Variants in PPP3CA observed in about 807,000 individuals in gnomAD.
PPP3CA encodes CAM-PRP catalytic subunit.
A neutral mutation model predicts 66.5 loss-of-function variants in PPP3CA; 14 were observed. The ratio of observed to expected loss-of-function variants is 0.21; its 90% CI spans 0.14 to 0.33. The LOEUF (loss-of-function observed/expected upper bound fraction) is 0.33. Among genes scored for constraint, PPP3CA ranks in the 10% least tolerant of loss-of-function variants. The pLI is 1.00. For synonymous variants in PPP3CA, 232 were observed against 226.2 expected (o/e 1.03, Z -0.23); for missense variants, 317 against 639.5 (o/e 0.50, Z 5.44).
intron 1 of PPP3CA, among the ~76,000 whole-genome samples, chr4:101,293,722 T>C (rs919054984): frequency 6.6e-6 from 1 of 152,204 alleles, no homozygotes; most frequent in African/African-American, 2.4e-5. Context: ...ACCACAGCCA[T>C]GTAATTAGGT....
intron 2 of PPP3CA, among the ~76,000 whole-genome samples, chr4:101,149,281 C>T (rs932908682): frequency 4.6e-5 from 7 of 152,174 alleles, no homozygotes; most frequent in Non-Finnish European, 7.4e-5. Context: ...TTTGCCTTCA[C>T]ATGCTTTATC....
At chr4:101,073,228 CGT>C (rs74947807) in intron 8 of PPP3CA, among the ~76,000 whole-genome samples, 7,304 of 143,558 alleles carry the variant, frequency 0.051, 181 homozygotes, top group East Asian at 0.065. Context: ...TATATATATA[CGT>C]GTGTGTGTGT....
At chr4:101,196,191 T>A (rs1325360550) in intron 1 of PPP3CA, 75 bp from the exon 2 acceptor site, 1 of 1,320,268 alleles carries the variant, frequency 7.6e-7, no homozygotes, top group Non-Finnish European at 1.0e-6. Context: ...CCACCAAATA[T>A]CCATCCTCAT....
intron 1 of PPP3CA, among the ~76,000 whole-genome samples, chr4:101,321,009 A>G (rs1729025969): frequency 6.6e-6 from 1 of 152,216 alleles, no homozygotes; most frequent in African/African-American, 2.4e-5. Context: ...CAAGAAAAAC[A>G]TTGATGTTTG....
At chr4:101,153,697 A>C (rs1302139380) in intron 2 of PPP3CA, among the ~76,000 whole-genome samples, 1 of 152,204 alleles carries the variant, frequency 6.6e-6, no homozygotes, top group Non-Finnish European at 1.5e-5. Context: ...TTGCTTAGGA[A>C]AAAACAAACA....
intron 10 of PPP3CA, among the ~76,000 whole-genome samples, chr4:101,043,571 A>T (rs1446360695): frequency 6.6e-6 from 1 of 151,850 alleles, no homozygotes; most frequent in Non-Finnish European, 1.5e-5. Context: ...AAAAAAAAAA[A>T]ACTCTCCTTT....
intron 1 of PPP3CA, among the ~76,000 whole-genome samples, chr4:101,200,391 C>T (rs1724930138): frequency 6.6e-6 from 1 of 152,068 alleles, no homozygotes; most frequent in South Asian, 2.1e-4. Flanking sequence ...TTTTCTGTGC[C>T]TTTACTTATA....
At chr4:101,197,772 A>G (rs943370658) in intron 1 of PPP3CA, among the ~76,000 whole-genome samples, 1 of 152,166 alleles carries the variant, frequency 6.6e-6, no homozygotes, top group Non-Finnish European at 1.5e-5. Context: ...ACATTACTGT[A>G]CAGGAGAAAC....
chr4:101,042,803 CTTTT>C (rs534973228), intron 10 of PPP3CA, among the ~76,000 whole-genome samples: 1 of 117,686 alleles, frequency 8.5e-6, no homozygotes, highest in Non-Finnish European at 1.9e-5. Flanking sequence ...AAGACTTTTT[CTTTT>C]TTTTTTTTTT....
At chr4:101,065,046 G>A (rs1231526913) in intron 8 of PPP3CA, among the ~76,000 whole-genome samples, 2 of 151,802 alleles carry the variant, frequency 1.3e-5, no homozygotes, top group Non-Finnish European at 2.9e-5. Flanking sequence ...CTGATATGAA[G>A]GTAGTTATCC....
chr4:101,279,597 G>A (rs1727617115), intron 1 of PPP3CA, among the ~76,000 whole-genome samples: 1 of 152,170 alleles, frequency 6.6e-6, no homozygotes, highest in Admixed American at 6.5e-5. Flanking sequence ...AATAAGTACA[G>A]CCCTCCAAAA....
intron 1 of PPP3CA, among the ~76,000 whole-genome samples, chr4:101,331,991 G>A (rs1729402497): frequency 6.6e-6 from 1 of 152,162 alleles, no homozygotes; most frequent in African/African-American, 2.4e-5. Flanking sequence ...CAAAACATAT[G>A]TGTATGCAAG....
At chr4:101,339,833 A>G (rs1433090157) in intron 1 of PPP3CA, among the ~76,000 whole-genome samples, 1 of 152,204 alleles carries the variant, frequency 6.6e-6, no homozygotes, top group Non-Finnish European at 1.5e-5. Flanking sequence ...TGCAGCAACC[A>G]AGACACATAG....
At chr4:101,142,179 T>C (rs1259439906) in intron 2 of PPP3CA, among the ~76,000 whole-genome samples, 3 of 152,108 alleles carry the variant, frequency 2.0e-5, no homozygotes, top group African/African-American at 7.2e-5. Context: ...CTAGAAACGG[T>C]AGACTTTGCC....
chr4:101,131,667 C>A (rs1291509662), intron 2 of PPP3CA, among the ~76,000 whole-genome samples: 1 of 152,114 alleles, frequency 6.6e-6, no homozygotes, highest in Non-Finnish European at 1.5e-5. Flanking sequence ...GACTTTAACA[C>A]CCCACTGTCA....
At chr4:101,314,964 T>C (rs1728840431) in intron 1 of PPP3CA, among the ~76,000 whole-genome samples, 1 of 152,236 alleles carries the variant, frequency 6.6e-6, no homozygotes, top group Non-Finnish European at 1.5e-5. Flanking sequence ...CTTGGTTTTA[T>C]AATTTTTTCA....
chr4:101,236,785 G>A (rs1726145265), intron 1 of PPP3CA, among the ~76,000 whole-genome samples: 1 of 151,732 alleles, frequency 6.6e-6, no homozygotes, highest in Non-Finnish European at 1.5e-5. Flanking sequence ...ATGTCCAGAA[G>A]TCTTAAGTGA....
rs188978788 is a variant in PPP3CA at position 101,079,134 on chromosome 4, A to T, written c.955+1398T>A. ...GAAAGTGGAATACATGAAAGGAAACAAAGGACTAAGGACATTCAACAGGTG... is the reference window on the plus strand; with the variant it reads ...GAAAGTGGAATACATGAAAGGAAACTAAGGACTAAGGACATTCAACAGGTG... On this transcript the variant is annotated intron_variant, in intron 8 of 13. Transcript: ENST00000394854. Among the ~76,000 whole-genome samples, 478 of 152,314 alleles carry T rather than the reference A, an allele frequency of 3.1e-3. 1 individual carries two copies. Among genetic ancestry groups the T allele is most frequent in the Non-Finnish European group, 3.9e-3 (266 of 68,024 alleles).
intron 1 of PPP3CA, among the ~76,000 whole-genome samples, chr4:101,238,001 T>C (rs1726181104): frequency 6.6e-6 from 1 of 152,004 alleles, no homozygotes; most frequent in Non-Finnish European, 1.5e-5. Context: ...AACTCCCTCT[T>C]TCCAACTCTC....
Sources: gnomAD v4.1 joint callset for allele counts (sites outside exome capture counted in the v4.1 genomes callset) on GRCh38, gnomAD v4.1.1 for gene constraint, MANE v1.5 for transcripts, NCBI Gene and HGNC (gene_info 2026-07-23, HGNC 2026-07-21) for gene names.